The following COX7B2 variants were observed in gnomAD, a reference collection of about 807,000 sequenced individuals.
COX7B2 encodes cytochrome c oxidase subunit 7B2, mitochondrial.
For synonymous variants in COX7B2, 37 were observed against 32.1 expected (o/e 1.15, Z -0.51); for missense variants, 109 against 95.9 (o/e 1.14, Z -0.57).
At chr4:46,764,191 C>A (rs1284125526) in intron 2 of COX7B2, among the ~76,000 whole-genome samples, 1 of 152,166 alleles carries the variant, frequency 6.6e-6, no homozygotes, top group African/African-American at 2.4e-5. Context: ...GTGAGCACTA[C>A]TTAAGTTCCT....
chr4:46,738,026 G>A (rs1019142202), intron 2 of COX7B2, among the ~76,000 whole-genome samples: 4 of 152,070 alleles, frequency 2.6e-5, no homozygotes, highest in African/African-American at 7.2e-5. Context: ...AGACACCAAG[G>A]TTTTCATTTG....
intron 2 of COX7B2, among the ~76,000 whole-genome samples, chr4:46,807,829 T>C (rs1443470328): frequency 1.3e-5 from 2 of 151,860 alleles, no homozygotes; most frequent in African/African-American, 4.8e-5. Flanking sequence ...AATTAGTTGA[T>C]AGTATATATT....
intron 2 of COX7B2, among the ~76,000 whole-genome samples, chr4:46,791,216 A>G (rs1718029831): frequency 6.7e-6 from 1 of 150,268 alleles, no homozygotes; most frequent in South Asian, 2.1e-4. Context: ...TTACCGTGTT[A>G]GCCAGGATGG....
At chr4:46,820,492 G>T (rs1714196743) in intron 2 of COX7B2, among the ~76,000 whole-genome samples, 1 of 152,050 alleles carries the variant, frequency 6.6e-6, no homozygotes. Flanking sequence ...TGCGGGTTGG[G>T]GATCCCAGCT....
intron 1 of COX7B2, among the ~76,000 whole-genome samples, chr4:46,903,688 A>G (rs1720206436): frequency 1.3e-5 from 2 of 152,134 alleles, no homozygotes; most frequent in South Asian, 4.1e-4. Context: ...CTATGTTTAT[A>G]TATGTTTAAC....
Position 46,785,333 on chromosome 4 carries a change from A to C in COX7B2, c.-49-50092T>G, listed in dbSNP as rs187402266. Among the ~76,000 whole-genome samples the C allele has an allele frequency of 1.2e-3, 184 of 152,278 alleles. 1 individual carries two copies. The highest frequency in any genetic ancestry group is 4.2e-3 in the African/African-American group (174 of 41,544). On this transcript the variant is annotated intron_variant, in intron 2 of 2. Transcript: ENST00000355591. ...ATTAAAAAAAACTCTATTGTTGTTG[A>C]AAAAATGGATGTGAAAGAATTCCAC... is the stretch of plus-strand genomic sequence containing the variant.
At chr4:46,899,011 GA>G (rs34580563) in intron 1 of COX7B2, among the ~76,000 whole-genome samples, 1 of 152,014 alleles carries the variant, frequency 6.6e-6, no homozygotes, top group Non-Finnish European at 1.5e-5. Context: ...CTATGGTGGA[GA>G]AAAAAATTAA....
At chr4:46,823,394 A>G (rs1335002545) in intron 2 of COX7B2, among the ~76,000 whole-genome samples, 1 of 151,682 alleles carries the variant, frequency 6.6e-6, no homozygotes, top group African/African-American at 2.4e-5. Flanking sequence ...GAAATTTAAA[A>G]TGATAGAAAT....
Position 46,779,680 on chromosome 4 carries a change from C to A in COX7B2, c.-49-44439G>T, listed in dbSNP as rs1370683727. Among the ~76,000 whole-genome samples, 9 of 152,174 alleles carry A rather than the reference C, an allele frequency of 5.9e-5. No homozygotes were observed. In the East Asian group the frequency reaches 1.4e-3, roughly 23 times the overall value. The stretch of plus-strand genomic sequence containing the variant: ...GGACTTCCTTTTCTCCACACCCTCA[C>A]CAACACTCGCTATCTCTTGTCTTTT... On this transcript the variant is annotated intron_variant, in intron 2 of 2. Coordinates refer to ENST00000355591, the MANE Select transcript of COX7B2 (RefSeq NM_130902.3).
chr4:46,905,132 G>A (rs13114476), intron 1 of COX7B2, among the ~76,000 whole-genome samples: 36,913 of 151,502 alleles, frequency 0.24, 4,692 homozygotes, highest in East Asian at 0.29. Context: ...ACTGTATTTG[G>A]ACACTTAAGT....
At chr4:46,804,299 G>C (rs574101908) in intron 2 of COX7B2, among the ~76,000 whole-genome samples, 11 of 152,172 alleles carry the variant, frequency 7.2e-5, no homozygotes, top group South Asian at 4.1e-4. Context: ...AAGCTTCCAC[G>C]GTACGGAAAG....
chr4:46,738,811 G>C (rs1403943927), intron 2 of COX7B2, among the ~76,000 whole-genome samples: 2 of 152,012 alleles, frequency 1.3e-5, no homozygotes, highest in Admixed American at 1.3e-4. Context: ...ATTTCTCTAG[G>C]TAGTAAAAAC....
chr4:46,814,407 G>T (rs147584286), intron 2 of COX7B2, among the ~76,000 whole-genome samples: 30 of 152,184 alleles, frequency 2.0e-4, no homozygotes, highest in African/African-American at 7.2e-4. Flanking sequence ...TCCATAATGT[G>T]TCTCTTTAAG....
intron 1 of COX7B2, among the ~76,000 whole-genome samples, chr4:46,896,645 G>GAA (rs58209441): frequency 4.4e-4 from 64 of 146,308 alleles, no homozygotes; most frequent in African/African-American, 6.0e-4. Flanking sequence ...TAACAAAAAA[G>GAA]AAAAAAAAAA....
intron 2 of COX7B2, among the ~76,000 whole-genome samples, chr4:46,798,275 A>C (rs555367158): frequency 6.6e-6 from 1 of 152,270 alleles, no homozygotes; most frequent in South Asian, 2.1e-4. Flanking sequence ...ACCAATGAAG[A>C]AGCACAATGC....
intron 2 of COX7B2, among the ~76,000 whole-genome samples, chr4:46,789,279 G>GT (rs1717911422): frequency 6.6e-6 from 1 of 152,028 alleles, no homozygotes; most frequent in South Asian, 2.1e-4. Context: ...TAAGACTCAA[G>GT]TATAGGAAAG....
At chr4:46,852,765 A>C (rs1468785145) in intron 1 of COX7B2, among the ~76,000 whole-genome samples, 2 of 152,152 alleles carry the variant, frequency 1.3e-5, no homozygotes, top group Admixed American at 1.3e-4. Flanking sequence ...CAAGGTGAAC[A>C]AAGCAATGCT....
chr4:46,766,723 AG>A (rs1716564847), intron 2 of COX7B2, among the ~76,000 whole-genome samples: 1 of 151,166 alleles, frequency 6.6e-6, no homozygotes, highest in Non-Finnish European at 1.5e-5. Flanking sequence ...AAAAAAAAAA[AG>A]AGTCAGGGGA....
chr4:46,841,375 T>TGTGTG (rs1560414303), intron 2 of COX7B2, among the ~76,000 whole-genome samples: 16 of 100,618 alleles, frequency 1.6e-4, no homozygotes, highest in African/African-American at 5.4e-4. Context: ...GTGTGTGTGT[T>TGTGTG]TAAGATGGGC....
Sources: gnomAD v4.1 joint callset for allele counts (sites outside exome capture counted in the v4.1 genomes callset) on GRCh38, gnomAD v4.1.1 for gene constraint, MANE v1.5 for transcripts, NCBI Gene and HGNC (gene_info 2026-07-23, HGNC 2026-07-21) for gene names.